SRGAP3: variants seen among roughly 807,000 people sequenced by gnomAD.
SRGAP3 encodes SLIT-ROBO Rho GTPase activating protein 3, also known as SLIT-ROBO Rho GTPase-activating protein 3.
SRGAP3 carries 39 observed loss-of-function variants against 121.1 expected under a neutral mutation model. The observed-to-expected ratio is 0.32, with a 90% CI of 0.25 to 0.42. The LOEUF is 0.42. Ranked by LOEUF, SRGAP3 falls within the 10% of genes least tolerant of loss-of-function variation. The probability of loss-of-function intolerance (pLI) is 1.00; values close to 1 mark genes in which losing one functional copy is unlikely to be tolerated. For missense variants in SRGAP3, 1,213 were observed against 1,470.6 expected, an observed-to-expected ratio of 0.82 and a Z score of 2.86; for synonymous variants, 601 against 570.0, an observed-to-expected ratio of 1.05 and a Z score of -0.77.
intron 1 of SRGAP3, among the ~76,000 whole-genome samples, chr3:9,139,839 A>G (rs1949787747): frequency 6.6e-6 from 1 of 152,140 alleles, no homozygotes; most frequent in Non-Finnish European, 1.5e-5. Context: ...AGGAAGGACA[A>G]TGTGTTGTAG....
At chr3:9,326,225 A>G (rs1331559965) in intron 2 of SRGAP3, 4 of 151,976 alleles carry the variant, frequency 2.6e-5, no homozygotes, top group African/African-American at 9.6e-5. Flanking sequence ...TTACCTGGTG[A>G]AAATACACTA....
intron 3 of SRGAP3, among the ~76,000 whole-genome samples, chr3:9,306,230 C>G (rs1372119458): frequency 6.6e-6 from 1 of 152,154 alleles, no homozygotes; most frequent in East Asian, 1.9e-4. Flanking sequence ...AGCGTCTGTT[C>G]ATATCCTTTG....
chr3:9,281,909 G>A (rs1462711733), intron 3 of SRGAP3, among the ~76,000 whole-genome samples: 3 of 152,000 alleles, frequency 2.0e-5, no homozygotes, highest in Non-Finnish European at 4.4e-5. Context: ...CAAGTGACCC[G>A]CCCACCTCAA....
intron 1 of SRGAP3, among the ~76,000 whole-genome samples, chr3:9,208,793 T>C (rs2125172434): frequency 6.6e-6 from 1 of 152,338 alleles, no homozygotes; most frequent in African/African-American, 2.4e-5. Flanking sequence ...GCATCTGCTG[T>C]ATGATGTTGA....
intron 15 of SRGAP3, 46 bp downstream of exon 15, chr3:9,015,551 C>CA: frequency 2.5e-6 from 4 of 1,611,648 alleles, no homozygotes; most frequent in Non-Finnish European, 3.4e-6. Context: ...TCAACTCCAA[C>CA]AATGATTTGT....
intron 1 of SRGAP3, among the ~76,000 whole-genome samples, chr3:9,244,440 C>CAA (rs34573307): frequency 0.1 from 15,305 of 149,046 alleles, 881 homozygotes; most frequent in East Asian, 0.22. Context: ...GAATATGTAA[C>CAA]AAAAAAAAAA....
intron 3 of SRGAP3, among the ~76,000 whole-genome samples, chr3:9,274,729 G>A (rs1954539240): frequency 6.6e-6 from 1 of 152,216 alleles, no homozygotes. Context: ...GGCTTTCAAT[G>A]GGAAGGGGAG....
At chr3:9,338,863 C>T (rs760221588) in intron 1 of SRGAP3, among the ~76,000 whole-genome samples, 3 of 152,186 alleles carry the variant, frequency 2.0e-5, no homozygotes, top group Non-Finnish European at 4.4e-5. Context: ...ATGGCACGTA[C>T]CCTCTACTGC....
intron 4 of SRGAP3, among the ~76,000 whole-genome samples, chr3:9,070,211 G>A (rs1048649494): frequency 7.9e-5 from 12 of 152,238 alleles, no homozygotes; most frequent in African/African-American, 2.7e-4. Flanking sequence ...TCTGGAAGTT[G>A]ACAGCATCCA....
intron 3 of SRGAP3, among the ~76,000 whole-genome samples, chr3:9,322,318 T>C (rs746453014): frequency 1.8e-4 from 28 of 151,926 alleles, no homozygotes; most frequent in Non-Finnish European, 3.8e-4. Flanking sequence ...ACTTTCCAAG[T>C]GCGTTAAGTG....
At chr3:9,341,278 A>G (rs1294420922) in intron 1 of SRGAP3, among the ~76,000 whole-genome samples, 1 of 135,324 alleles carries the variant, frequency 7.4e-6, no homozygotes, top group Non-Finnish European at 1.5e-5. Flanking sequence ...CGATGTGGAC[A>G]CTGAAGGTTC....
intron 1 of SRGAP3, among the ~76,000 whole-genome samples, chr3:9,230,848 C>T (rs1953179884): frequency 1.4e-5 from 2 of 147,802 alleles, no homozygotes; most frequent in South Asian, 2.2e-4. Flanking sequence ...CTGAGTAAGA[C>T]CCTATCTCAA....
intron 1 of SRGAP3, among the ~76,000 whole-genome samples, chr3:9,212,390 C>A (rs1952476419): frequency 6.6e-6 from 1 of 152,174 alleles, no homozygotes; most frequent in Admixed American, 6.5e-5. Flanking sequence ...TCAGCTCAGG[C>A]TTCCCTAGAA....
Position 9,335,873 on chromosome 3 carries a change from T to A in SRGAP3, n.215-5277A>T, listed in dbSNP as rs140921922. Among the ~76,000 whole-genome samples the A allele has an allele frequency of 7.9e-3, 1,200 of 151,994 alleles. 12 individuals carry two copies. Among genetic ancestry groups the A allele is most frequent in the Non-Finnish European group, 0.012 (825 of 67,954 alleles). On this transcript the variant is annotated intron_variant and non_coding_transcript_variant, in intron 1 of 3. Transcript: ENST00000490889. Reference sequence around the variant, plus strand: ...ATTTTTCTTCGTTTTCTTATTATTATTTTTTTTAGTCAGTCTCTTGCTTAT... The same window carrying A: ...ATTTTTCTTCGTTTTCTTATTATTAATTTTTTTAGTCAGTCTCTTGCTTAT...
At chr3:9,211,843 T>C (rs1214543778) in intron 1 of SRGAP3, among the ~76,000 whole-genome samples, 1 of 105,038 alleles carries the variant, frequency 9.5e-6, no homozygotes, top group East Asian at 7.5e-4. Flanking sequence ...GCCCAGCTAA[T>C]TTTTTTATTC....
chr3:9,006,373 C>G (rs1394380116), intron 18 of SRGAP3, among the ~76,000 whole-genome samples: 1 of 144,306 alleles, frequency 6.9e-6, no homozygotes, highest in Non-Finnish European at 1.5e-5. Flanking sequence ...TTACTACAGC[C>G]TGGCAACAGA....
chr3:9,225,491 A>G (rs1952955149), intron 1 of SRGAP3, among the ~76,000 whole-genome samples: 1 of 152,188 alleles, frequency 6.6e-6, no homozygotes, highest in Non-Finnish European at 1.5e-5. Context: ...GCCATACAAT[A>G]GAACAGCTGG....
chr3:9,175,062 C>T (rs1018323502), intron 1 of SRGAP3, among the ~76,000 whole-genome samples: 4 of 152,106 alleles, frequency 2.6e-5, no homozygotes, highest in South Asian at 2.1e-4. Context: ...CGAAACTCCC[C>T]GGGATGCTTA....
upstream of SRGAP3, among the ~76,000 whole-genome samples, chr3:9,252,137 A>C (rs528805132): frequency 6.6e-6 from 1 of 152,212 alleles, no homozygotes; most frequent in South Asian, 2.1e-4. Context: ...GATCTGGTTG[A>C]TGAAGAGTCT....
Sources: allele counts gnomAD v4.1 joint callset (sites outside exome capture counted in the v4.1 genomes callset), GRCh38; gene constraint gnomAD v4.1.1; transcripts MANE v1.5; gene names NCBI Gene and HGNC (gene_info 2026-07-23, HGNC 2026-07-21).